ZNF641: variants seen among roughly 807,000 people sequenced by gnomAD.
The protein encoded by ZNF641 is zinc finger protein 641.
A neutral mutation model predicts 46.2 loss-of-function variants in ZNF641; 26 were observed. The ratio of observed to expected loss-of-function variants is 0.56; its 90% confidence interval spans 0.41 to 0.78. ZNF641 has a LOEUF of 0.78. ZNF641 is among the 30% of genes least tolerant of loss of function. The pLI, the probability that ZNF641 is intolerant of heterozygous loss-of-function variation, is 0.00. For synonymous variants in ZNF641, 163 were observed against 187.9 expected (o/e 0.87, Z 1.09); for missense variants, 469 against 517.8 (o/e 0.91, Z 0.91).
downstream of ZNF641, among the ~76,000 whole-genome samples, chr12:48,335,039 C>A (rs545033192): frequency 1.8e-4 from 27 of 152,240 alleles, no homozygotes; most frequent in East Asian, 5.8e-4. Flanking sequence ...GCCTCCCCCC[C>A]ACCATGGGTT....
chr12:48,345,624 G>T, intron 3 of ZNF641, 150 bp from the exon 4 acceptor site: 1 of 874,612 alleles, frequency 1.1e-6, no homozygotes, highest in Non-Finnish European at 1.7e-6. Flanking sequence ...ACATAGTTTT[G>T]GTAACAGGGA....
rs557135438 is a variant in ZNF641 at position 48,343,404 on chromosome 12, T to C, written c.844A>G (p.Lys282Glu). The C allele has an allele frequency of 1.2e-5, 20 of 1,613,980 alleles. No homozygotes were observed. In the East Asian group the frequency reaches 4.0e-4, roughly 32 times the overall value. ...HTGERPYSCLKCEKTFGRRHH... is the reference protein window; with the variant it reads ...HTGERPYSCLECEKTFGRRHH... ...CTTCGCCCAAAGGTCTTCTCACACTTGAGGCAGCTGTAGGGTCTCTCCCCA... is the reference window on the plus strand; with the variant it reads ...CTTCGCCCAAAGGTCTTCTCACACTCGAGGCAGCTGTAGGGTCTCTCCCCA... The change falls in exon 6 of 6, where the codon AAG becomes GAG. Residue 282 changes from lysine (K) to glutamate (E), a missense_variant. Transcript: ENST00000547026.
chr12:48,335,230 T>C (rs1592135874), downstream of ZNF641, among the ~76,000 whole-genome samples: 1 of 152,306 alleles, frequency 6.6e-6, no homozygotes, highest in Middle Eastern at 3.4e-3. Flanking sequence ...GCTAAGAGCT[T>C]TTCTGTTGCT....
downstream of ZNF641, among the ~76,000 whole-genome samples, chr12:48,334,785 T>A (rs1165559772): frequency 6.6e-6 from 1 of 152,188 alleles, no homozygotes; most frequent in Admixed American, 6.5e-5. Flanking sequence ...GAGGAGGCAA[T>A]TAGAGGCTGG....
In ZNF641 at chr12:48,339,324, T is replaced by G. The variant is rs1952668585; in HGVS notation, c.*3649A>C. 6.6e-6 allele frequency: 1 copy of G among 152,216 alleles called. No homozygotes were observed. The highest frequency in any genetic ancestry group is 1.5e-5 in the Non-Finnish European group (1 of 68,046). 9.4% of individuals were successfully genotyped at this position (152,216 alleles called of 1,614,324 possible). On this transcript the variant is annotated 3_prime_UTR_variant, in exon 6 of 6. Coordinates refer to ENST00000547026, the MANE Select transcript of ZNF641 (RefSeq NM_001172681.2). ...ATATGAATCCCCTAGCCAGTGGTTC[T>G]CAAACTTTAGCTTGTATCACACATC... is the stretch of plus-strand genomic sequence containing the variant.
downstream of ZNF641, among the ~76,000 whole-genome samples, chr12:48,334,747 G>A (rs1169381567): frequency 2.6e-5 from 4 of 152,164 alleles, no homozygotes; most frequent in African/African-American, 9.7e-5. Flanking sequence ...ATAGTCTTAG[G>A]ATGTTTTTAC....
Position 48,341,918 on chromosome 12 carries a change from C to T in ZNF641, c.*1055G>A. 1.0e-6 allele frequency: 1 copy of T among 985,460 alleles called. No individual in the cohort carries two copies. The highest frequency in any genetic ancestry group is 1.2e-6 in the Non-Finnish European group (1 of 829,960). The allele number at this position is 985,460 out of a possible 1,614,324, so 61.0% of individuals were successfully genotyped here. A position where few individuals can be genotyped will look rare whatever the true frequency, so the allele number is the denominator to read the frequency against. ...CCCTTTCCACTAGTTCTCCCTTAAC[C>T]AGACTGCTTCCTGTCTTGAAACAAA... On this transcript the variant is annotated 3_prime_UTR_variant, in exon 6 of 6. Coordinates refer to ENST00000547026, the MANE Select transcript of ZNF641 (RefSeq NM_001172681.2).
Position 48,343,428 on chromosome 12 carries a change from C to T in ZNF641, c.820G>A (p.Gly274Arg). 1.2e-6 allele frequency: 2 copies of T among 1,614,178 alleles called. No individual in the cohort carries two copies. The highest frequency in any genetic ancestry group is 1.7e-6 in the Non-Finnish European group (2 of 1,180,012). ...TTGAGGCAGCTGTAGGGTCTCTCCC[C>T]AGTGTGTGTTTGTTGATGCCTGGCA... Reference protein sequence around the residue: ...HLARHQQTHTGERPYSCLKCE... With the variant: ...HLARHQQTHTRERPYSCLKCE... The change falls in exon 6 of 6, where the codon GGG (glycine) becomes AGG (arginine). Residue 274 changes from glycine (G) to arginine (R), a missense_variant. Gly to Arg is a moderately radical substitution (Grantham distance 125). This residue lies in a region of ZNF641 where 346 missense variants were observed against 354.0 expected (regional missense o/e 0.98). Coordinates refer to ENST00000547026, the MANE Select transcript of ZNF641 (RefSeq NM_001172681.2).
Position 48,342,536 on chromosome 12 carries a change from C to A in ZNF641, c.*437G>T. ...TTAATAGAACCTTCAGTTGGGTCTACTGCAGAAATTTTCAGAGCCTTTAAT... is the reference window on the plus strand; with the variant it reads ...TTAATAGAACCTTCAGTTGGGTCTAATGCAGAAATTTTCAGAGCCTTTAAT... On this transcript the variant is annotated 3_prime_UTR_variant, in exon 6 of 6. Transcript: ENST00000547026. 1 of 679,296 alleles carries A rather than the reference C, an allele frequency of 1.5e-6. No homozygotes were observed. The highest frequency in any genetic ancestry group is 1.8e-6 in the Non-Finnish European group (1 of 546,390). The allele number at this position is 679,296 out of a possible 1,614,324, so 42.1% of individuals were successfully genotyped here. A position where few individuals can be genotyped will look rare whatever the true frequency, so the allele number is the denominator to read the frequency against.
Position 48,342,396 on chromosome 12 carries a change from C to A in ZNF641, c.*577G>T. 2.0e-6 allele frequency: 2 copies of A among 985,976 alleles called. No individual in the cohort carries two copies. Among genetic ancestry groups the A allele is most frequent in the South Asian group, 9.4e-5 (2 of 21,306 alleles). The allele number at this position is 985,976 out of a possible 1,614,324, so 61.1% of individuals were successfully genotyped here. ...GGCTCTGGATGCCTGATCACTATCTCTTGTTTCCTTGTTACTCTCTAACCC... is the reference window on the plus strand; with the variant it reads ...GGCTCTGGATGCCTGATCACTATCTATTGTTTCCTTGTTACTCTCTAACCC... On this transcript the variant is annotated 3_prime_UTR_variant, in exon 6 of 6. Transcript: ENST00000547026.
Position 48,344,204 on chromosome 12 carries a change from G to A in ZNF641, c.520+395C>T, listed in dbSNP as rs962487359. Among the ~76,000 whole-genome samples the A allele has an allele frequency of 6.6e-5, 10 of 152,118 alleles. No homozygotes were observed. The South Asian group carries it at 1.9e-3, about 28-fold the overall frequency. ...TGTCACTGGCTGAATGACACCTGTCGGCAGTCCTCAAGGCATTCCTGAAAT... is the reference window on the plus strand; with the variant it reads ...TGTCACTGGCTGAATGACACCTGTCAGCAGTCCTCAAGGCATTCCTGAAAT... On this transcript the variant is annotated intron_variant, in intron 5 of 5. Coordinates refer to ENST00000547026, the MANE Select transcript of ZNF641 (RefSeq NM_001172681.2).
In ZNF641 at chr12:48,342,553, G is replaced by A; in HGVS notation, c.*420C>T. 1.9e-6 allele frequency: 1 copy of A among 539,772 alleles called. No individual in the cohort carries two copies. The highest frequency in any genetic ancestry group is 2.4e-6 in the Non-Finnish European group (1 of 418,508). 33.4% of individuals were successfully genotyped at this position (539,772 alleles called of 1,614,324 possible). ...TGGGTCTACTGCAGAAATTTTCAGA[G>A]CCTTTAATATTCTAAAATGGCCTTT... On this transcript the variant is annotated 3_prime_UTR_variant, in exon 6 of 6. Transcript: ENST00000547026.
At chr12:48,349,611 G>A (rs1015853649) in intron 1 of ZNF641, among the ~76,000 whole-genome samples, 1 of 152,190 alleles carries the variant, frequency 6.6e-6, no homozygotes, top group Non-Finnish European at 1.5e-5. Flanking sequence ...TTTTATCTCA[G>A]AAGTCCAAAG....
Position 48,337,730 on chromosome 12 carries a change from G to T in ZNF641, c.*5243C>A, listed in dbSNP as rs1250534238. The T allele has an allele frequency of 2.0e-5, 3 of 151,496 alleles. No individual in the cohort carries two copies. The highest frequency in any genetic ancestry group is 7.3e-5 in the African/African-American group (3 of 41,172). The allele number at this position is 151,496 out of a possible 1,614,324, so 9.4% of individuals were successfully genotyped here. On this transcript the variant is annotated 3_prime_UTR_variant, in exon 6 of 6. Transcript: ENST00000547026. ...TGTAGTCCCAGCTACTCGGGAGGCT[G>T]AGGCAAGAAAATGGCGTAAACCTGG...
rs1159463796 is a variant in ZNF641, at chr12:48,342,938, G to T, written c.*35C>A. On this transcript the variant is annotated 3_prime_UTR_variant, in exon 6 of 6. Coordinates refer to ENST00000547026, the MANE Select transcript of ZNF641 (RefSeq NM_001172681.2). ...GCAGTGACTCCTGGTAGCACCGGCT[G>T]ATAGACTTGACCATAGCTGTAGTGG... 1.9e-6 allele frequency: 3 copies of T among 1,569,406 alleles called. No individual in the cohort carries two copies. The highest frequency in any genetic ancestry group is 2.6e-6 in the Non-Finnish European group (3 of 1,160,376).
In ZNF641 at chr12:48,343,339, G is replaced by C. The variant is rs766176127; in HGVS notation, c.909C>G (p.Asp303Glu). The part of the protein sequence containing the change: ...LIRHQKTHLH[D>E]KTSRCSECGK... Reference sequence around the variant, plus strand: ...CACACTCAGAGCACCTGCTGGTCTTGTCATGTAGGTGGGTTTTCTGGTGCC... The same window carrying C: ...CACACTCAGAGCACCTGCTGGTCTTCTCATGTAGGTGGGTTTTCTGGTGCC... Residue 303 changes from aspartate (D) to glutamate (E), a missense_variant, in exon 6 of 6, where the codon GAC becomes GAG. Transcript: ENST00000547026. 36 of 1,614,180 alleles carry C rather than the reference G, an allele frequency of 2.2e-5. No individual in the cohort carries two copies. The highest frequency in any genetic ancestry group is 3.0e-5 in the Non-Finnish European group (35 of 1,180,040).
chr12:48,338,298 T>A lies in ZNF641; in HGVS notation c.*4675A>T, dbSNP rs1952644411. ...CTTGGAAGGGCATGTTATTGCTCAG[T>A]CAGAACAAAGCAAAACTCAAACAAA... On this transcript the variant is annotated 3_prime_UTR_variant, in exon 6 of 6. Transcript: ENST00000547026. 1 of 152,054 alleles carries A rather than the reference T, an allele frequency of 6.6e-6. No homozygotes were observed. The highest frequency in any genetic ancestry group is 1.5e-5 in the Non-Finnish European group (1 of 68,038). The allele number at this position is 152,054 out of a possible 1,614,324, so 9.4% of individuals were successfully genotyped here. A position where few individuals can be genotyped will look rare whatever the true frequency, so the allele number is the denominator to read the frequency against.
Position 48,340,874 on chromosome 12 carries a change from G to A in ZNF641, c.*2099C>T. On this transcript the variant is annotated 3_prime_UTR_variant, in exon 6 of 6. Transcript: ENST00000547026. ...TGAACCCAATACTTTCTTACTCCCT[G>A]GGGCATCTCCTAATACTGATCCTAA... The A allele has an allele frequency of 4.1e-6, 4 of 985,404 alleles. No homozygotes were observed. Among genetic ancestry groups the A allele is most frequent in the Non-Finnish European group, 4.8e-6 (4 of 829,934 alleles). The allele number at this position is 985,404 out of a possible 1,614,324, so 61.0% of individuals were successfully genotyped here. A position where few individuals can be genotyped will look rare whatever the true frequency, so the allele number is the denominator to read the frequency against.
intron 5 of ZNF641, among the ~76,000 whole-genome samples, chr12:48,343,943 C>T (rs1253675665): frequency 6.6e-6 from 1 of 152,226 alleles, no homozygotes; most frequent in African/African-American, 2.4e-5. Context: ...GGAATCTCAG[C>T]TTTCCCACTT....
Sources: allele counts gnomAD v4.1 joint callset (sites outside exome capture counted in the v4.1 genomes callset), GRCh38; gene constraint gnomAD v4.1.1; regional missense constraint gnomAD v4.1.1; transcripts MANE v1.5; gene names NCBI Gene and HGNC (gene_info 2026-07-23, HGNC 2026-07-21).